The following HDAC9 variants were observed in gnomAD, a reference collection of about 807,000 sequenced individuals.
The protein encoded by HDAC9 is histone deacetylase 9.
A neutral mutation model predicts 139.4 loss-of-function variants in HDAC9; 41 were observed. The ratio of observed to expected loss-of-function variants is 0.29; its 90% CI spans 0.23 to 0.38. The LOEUF (loss-of-function observed/expected upper bound fraction) is 0.38, where lower values mean the gene tolerates loss of function less well. Among genes scored for constraint, HDAC9 ranks in the 10% least tolerant of loss-of-function variants. The pLI, the probability that HDAC9 is intolerant of heterozygous loss-of-function variation, is 1.00. For missense variants in HDAC9, 1,147 were observed against 1,297.0 expected (o/e 0.88, Z 1.78); for synonymous variants, 517 against 476.2 (o/e 1.09, Z -1.12).
chr7:18,789,064 T>C (rs1416789980), intron 16 of HDAC9, among the ~76,000 whole-genome samples: 1 of 152,152 alleles, frequency 6.6e-6, no homozygotes, highest in Non-Finnish European at 1.5e-5. Flanking sequence ...TTCGATGCTA[T>C]CACTAACACA....
intron 21 of HDAC9, among the ~76,000 whole-genome samples, chr7:18,852,857 T>TC (rs1176790083): frequency 2.0e-5 from 3 of 151,816 alleles, no homozygotes; most frequent in Non-Finnish European, 4.4e-5. Flanking sequence ...TTTTTTTTTT[T>TC]CCCTCTCTTT....
intron 2 of HDAC9, among the ~76,000 whole-genome samples, chr7:18,243,747 C>G (rs1794342260): frequency 6.6e-6 from 1 of 152,166 alleles, no homozygotes; most frequent in South Asian, 2.1e-4. Flanking sequence ...ACAGTGGTAT[C>G]AATAAAATGC....
chr7:18,314,863 A>G (rs1426334603), intron 1 of HDAC9, among the ~76,000 whole-genome samples: 1 of 152,216 alleles, frequency 6.6e-6, no homozygotes, highest in Non-Finnish European at 1.5e-5. Context: ...TTCGTGTTTT[A>G]TATTTCAGAT....
At chr7:18,396,832 T>C (rs918242681) in intron 1 of HDAC9, among the ~76,000 whole-genome samples, 4 of 152,170 alleles carry the variant, frequency 2.6e-5, no homozygotes, top group African/African-American at 7.2e-5. Context: ...TTGTTGCCGA[T>C]TTTGATGGGT....
chr7:18,323,513 A>G (rs1378957122), intron 1 of HDAC9, among the ~76,000 whole-genome samples: 1 of 152,188 alleles, frequency 6.6e-6, no homozygotes, highest in Non-Finnish European at 1.5e-5. Context: ...CTGGGGGCAC[A>G]TTAGAATCCT....
At chr7:18,924,465 T>G (rs1330213957) in intron 22 of HDAC9, among the ~76,000 whole-genome samples, 2 of 152,114 alleles carry the variant, frequency 1.3e-5, no homozygotes, top group African/African-American at 4.8e-5. Flanking sequence ...GTCATCAGTT[T>G]TGCCCAGAGG....
At chr7:18,908,288 A>G (rs957575481) in intron 22 of HDAC9, among the ~76,000 whole-genome samples, 6 of 152,138 alleles carry the variant, frequency 3.9e-5, no homozygotes, top group African/African-American at 1.4e-4. Context: ...TATGGTACAG[A>G]GTAATATTTT....
At chr7:18,428,033 G>A (rs1347996216) in intron 1 of HDAC9, among the ~76,000 whole-genome samples, 1 of 152,086 alleles carries the variant, frequency 6.6e-6, no homozygotes, top group Non-Finnish European at 1.5e-5. Context: ...ATGTCCTCAA[G>A]TTCCATTCAT....
chr7:18,614,384 A>G (rs1296968747), intron 6 of HDAC9, among the ~76,000 whole-genome samples: 2 of 152,086 alleles, frequency 1.3e-5, no homozygotes, highest in Non-Finnish European at 2.9e-5. Flanking sequence ...TTTTGGGTTC[A>G]GTTCTGTCTC....
At chr7:18,386,757 G>A (rs1489627231) in intron 1 of HDAC9, among the ~76,000 whole-genome samples, 1 of 152,148 alleles carries the variant, frequency 6.6e-6, no homozygotes, top group Non-Finnish European at 1.5e-5. Flanking sequence ...ATTCCCACTC[G>A]TATTCAGTCC....
intron 2 of HDAC9, among the ~76,000 whole-genome samples, chr7:18,183,677 G>A (rs1038196219): frequency 5.3e-5 from 8 of 152,080 alleles, no homozygotes; most frequent in African/African-American, 1.9e-4. Context: ...AGAGATGGGG[G>A]TCTCGCTATG....
intron 14 of HDAC9, among the ~76,000 whole-genome samples, chr7:18,759,526 T>C (rs1163010623): frequency 2.6e-5 from 4 of 151,940 alleles, no homozygotes; most frequent in Non-Finnish European, 5.9e-5. Flanking sequence ...AAAGCAAGCT[T>C]AGGGCTCCCA....
At chr7:18,881,916 C>G (rs1799769711) in intron 22 of HDAC9, among the ~76,000 whole-genome samples, 1 of 152,050 alleles carries the variant, frequency 6.6e-6, no homozygotes, top group Non-Finnish European at 1.5e-5. Context: ...AAGGGTCAAC[C>G]TTAAACTTGA....
chr7:18,878,459 T>C (rs1370820721), intron 22 of HDAC9, among the ~76,000 whole-genome samples: 1 of 152,168 alleles, frequency 6.6e-6, no homozygotes, highest in East Asian at 1.9e-4. Context: ...TTTATAGTCC[T>C]TGAGACAGAA....
At chr7:18,293,605 CT>C (rs1797959631) in intron 1 of HDAC9, among the ~76,000 whole-genome samples, 1 of 151,836 alleles carries the variant, frequency 6.6e-6, no homozygotes, top group Non-Finnish European at 1.5e-5. Flanking sequence ...TTTTCTTTTT[CT>C]TTTTGTCTCT....
chr7:18,273,056 G>GTTTTTTTTTTTTGTTTGTTTT (rs1796481504), intron 2 of HDAC9, among the ~76,000 whole-genome samples: 1 of 84,784 alleles, frequency 1.2e-5, no homozygotes, highest in African/African-American at 6.0e-5. Context: ...CCCCTTCTTC[G>GTTTTTTTTTTTTGTTTGTTTT]TTTTTTTTTT....
chr7:18,987,888 G>C (rs558705096), intron 25 of HDAC9, among the ~76,000 whole-genome samples: 1 of 152,276 alleles, frequency 6.6e-6, no homozygotes, highest in African/African-American at 2.4e-5. Context: ...ATGGTAGTTT[G>C]TATTTCTGTG....
rs77477045 is a variant in HDAC9, at chr7:18,447,630, A to C, written c.-41-48632A>C. Reference sequence around the variant, plus strand: ...GTTGAGATTATTTTCACCAATACCTAAAACATCTGTATTCAGAGTTTTTGT... The same window carrying C: ...GTTGAGATTATTTTCACCAATACCTCAAACATCTGTATTCAGAGTTTTTGT... On this transcript the variant is annotated intron_variant, in intron 1 of 3. Coordinates refer to the HDAC9 transcript ENST00000413509. Among the ~76,000 whole-genome samples the C allele has an allele frequency of 9.3e-4, 142 of 152,324 alleles. 2 individuals carry two copies. The East Asian group carries it at 0.026, about 28-fold the overall frequency.
intron 1 of HDAC9, among the ~76,000 whole-genome samples, chr7:18,114,882 G>A (rs1196735085): frequency 6.6e-6 from 1 of 152,202 alleles, no homozygotes; most frequent in African/African-American, 2.4e-5. Context: ...TTTGAAATAT[G>A]TTAGCCTCTT....
Sources: allele counts gnomAD v4.1 joint callset (sites outside exome capture counted in the v4.1 genomes callset), GRCh38; gene constraint gnomAD v4.1.1; transcripts MANE v1.5; gene names NCBI Gene and HGNC (gene_info 2026-07-23, HGNC 2026-07-21).